The following RGS6 variants were observed in gnomAD, a reference collection of about 807,000 sequenced individuals.
RGS6 encodes regulator of G protein signaling 6.
Under a neutral mutation model 78.5 loss-of-function variants are expected in RGS6, and 30 were observed. The ratio of observed to expected loss-of-function variants is 0.38; its 90% CI spans 0.29 to 0.52. The LOEUF (loss-of-function observed/expected upper bound fraction) is 0.52, where lower values mean the gene tolerates loss of function less well. RGS6 is among the 20% of genes least tolerant of loss of function. RGS6 has a pLI of 0.85. For synonymous variants in RGS6, 206 were observed against 206.0 expected, an observed-to-expected ratio of 1.00 and a Z score of 0.00; for missense variants, 495 against 609.7, an observed-to-expected ratio of 0.81 and a Z score of 1.98.
chr14:72,146,856 A>G (rs938002269), intron 2 of RGS6, among the ~76,000 whole-genome samples: 32 of 152,354 alleles, frequency 2.1e-4, no homozygotes, highest in African/African-American at 6.3e-4. Context: ...GAAAGAAGCC[A>G]TGCAGCACCT....
intron 3 of RGS6, among the ~76,000 whole-genome samples, chr14:72,390,164 C>G (rs1489491579): frequency 7.0e-6 from 1 of 143,670 alleles, no homozygotes; most frequent in Non-Finnish European, 1.5e-5. Context: ...GTGGTGCGAT[C>G]TCAGCTCACT....
chr14:71,871,115 C>A, the RGS6 span, among the ~76,000 whole-genome samples: 1 of 152,164 alleles, frequency 6.6e-6, no homozygotes, highest in South Asian at 2.1e-4. Flanking sequence ...GCGCTGAGAC[C>A]CTGTTCCCAT....
chr14:72,421,899 G>A (rs971398931), intron 3 of RGS6, among the ~76,000 whole-genome samples: 2 of 152,124 alleles, frequency 1.3e-5, no homozygotes, highest in Admixed American at 1.3e-4. Context: ...TCATGCTCCC[G>A]GCTGACCTCA....
At chr14:72,310,067 G>T (rs968925717) in intron 2 of RGS6, among the ~76,000 whole-genome samples, 56 of 152,052 alleles carry the variant, frequency 3.7e-4, no homozygotes, top group African/African-American at 1.3e-3. Context: ...TTTCCTCTCC[G>T]CCAGCTCTTC....
the RGS6 span, among the ~76,000 whole-genome samples, chr14:72,629,214 G>A: frequency 1.3e-5 from 2 of 152,188 alleles, no homozygotes; most frequent in South Asian, 4.1e-4. Context: ...GGAGACTATG[G>A]AGAGGGAGGT....
chr14:72,416,546 A>G (rs1349922601), intron 3 of RGS6, among the ~76,000 whole-genome samples: 1 of 152,184 alleles, frequency 6.6e-6, no homozygotes, highest in East Asian at 1.9e-4. Flanking sequence ...CTACCAAGAA[A>G]AAAAAAATTA....
At chr14:72,381,175 G>A (rs1012125829) in intron 3 of RGS6, among the ~76,000 whole-genome samples, 4 of 152,004 alleles carry the variant, frequency 2.6e-5, no homozygotes, top group Non-Finnish European at 4.4e-5. Flanking sequence ...AGGGTAGAGA[G>A]GGGGAGAGAG....
chr14:72,353,834 A>T (rs2079617444), intron 3 of RGS6, among the ~76,000 whole-genome samples: 1 of 152,004 alleles, frequency 6.6e-6, no homozygotes, highest in Admixed American at 6.6e-5. Flanking sequence ...AAATACAAAA[A>T]TTAGCCGGGC....
rs1163802210 is a variant in RGS6 at position 72,518,515 on chromosome 14, G to C, written c.1256G>C (p.Arg419Thr). 1 of 1,614,200 alleles carries C rather than the reference G, an allele frequency of 6.2e-7. No homozygotes were observed. The highest frequency in any genetic ancestry group is 8.5e-7 in the Non-Finnish European group (1 of 1,180,018). The change falls in exon 15 of 18, where the codon AGA (arginine) becomes ACA (threonine). Residue 419 changes from arginine to threonine, a missense_variant. By Grantham distance (71) the Arg-to-Thr change is moderately conservative. Coordinates refer to ENST00000553525, the MANE Select transcript of RGS6 (RefSeq NM_001204424.2). ...ITSQNVKDGG[R>T]YTFEDAQEHI... is the part of the protein sequence containing the mutation. ...AGTCAAAATGTCAAAGATGGAGGGA[G>C]ATATACATTTGAAGACGCCCAGGTT...
intron 2 of RGS6, among the ~76,000 whole-genome samples, chr14:72,018,823 A>G (rs1048377828): frequency 1.3e-5 from 2 of 152,146 alleles, no homozygotes; most frequent in African/African-American, 4.8e-5. Flanking sequence ...GAGTGAATTT[A>G]TGCTTGCTTC....
chr14:72,176,386 G>A (rs1261875920), intron 2 of RGS6, among the ~76,000 whole-genome samples: 1 of 152,208 alleles, frequency 6.6e-6, no homozygotes, highest in East Asian at 1.9e-4. Context: ...TTTGCTGAGG[G>A]TAGGACCTGC....
At position 71,963,991 on chromosome 14, in the gene RGS6, A is replaced by G. The variant is rs140413062; in HGVS notation, c.-20-781A>G. 1.7e-3 allele frequency among the ~76,000 whole-genome samples: 254 copies of G among 150,728 alleles called. 1 individual carries two copies. Among genetic ancestry groups the G allele is most frequent in the African/African-American group, 5.9e-3 (242 of 41,112 alleles). ...ACATTCCTACCAGCAATGTTTGAGG[A>G]TTTTGATTTCCCTGTATCCTTGCCA... On this transcript the variant is annotated intron_variant, in intron 1 of 17. Transcript: ENST00000553525.
chr14:72,585,911 C>T, the RGS6 span, among the ~76,000 whole-genome samples: 4 of 152,212 alleles, frequency 2.6e-5, no homozygotes, highest in Non-Finnish European at 5.9e-5. Context: ...CTTCAATCTG[C>T]TCTCTCTGGT....
chr14:72,398,935 A>G (rs936163655), intron 3 of RGS6, among the ~76,000 whole-genome samples: 16 of 151,960 alleles, frequency 1.1e-4, no homozygotes, highest in East Asian at 3.9e-4. Flanking sequence ...TATAATTTCT[A>G]TTCTTTTACA....
chr14:72,164,032 G>T (rs568211029), intron 2 of RGS6, among the ~76,000 whole-genome samples: 9 of 152,112 alleles, frequency 5.9e-5, no homozygotes, highest in Non-Finnish European at 1.2e-4. Context: ...AAATGAAAAG[G>T]TTCGACTTTT....
chr14:72,232,914 T>C (rs1225552226), intron 2 of RGS6, among the ~76,000 whole-genome samples: 1 of 152,144 alleles, frequency 6.6e-6, no homozygotes, highest in East Asian at 1.9e-4. Context: ...ATGCAGCCTG[T>C]ACGCTTCCTG....
intron 17 of RGS6, chr14:72,547,171 C>T (rs910411921): frequency 2.0e-6 from 3 of 1,534,590 alleles, no homozygotes; most frequent in African/African-American, 2.7e-5. Context: ...GAGCCTGCCT[C>T]AGTCCTGTCC....
At chr14:72,389,220 C>T (rs186725388) in intron 3 of RGS6, among the ~76,000 whole-genome samples, 1 of 152,228 alleles carries the variant, frequency 6.6e-6, no homozygotes, top group East Asian at 1.9e-4. Flanking sequence ...TTGTCCCTGT[C>T]CCGGATGTTC....
rs117182435 is a variant in RGS6, at chr14:72,233,127, G to A, written c.85-118968G>A. Among the ~76,000 whole-genome samples, 10 of 152,304 alleles carry A rather than the reference G, an allele frequency of 6.6e-5. No homozygotes were observed. The East Asian group carries it at 1.9e-3, about 29-fold the overall frequency. On this transcript the variant is annotated intron_variant, in intron 2 of 17. Coordinates refer to ENST00000553525, the MANE Select transcript of RGS6 (RefSeq NM_001204424.2). ...AGGGAGCAGGCCCCAGAAGGTCCTT[G>A]TTCATCCTAGTCAGGTCCTTCATCC...
Sources: allele counts gnomAD v4.1 joint callset (sites outside exome capture counted in the v4.1 genomes callset), GRCh38; gene constraint gnomAD v4.1.1; transcripts MANE v1.5; gene names NCBI Gene and HGNC (gene_info 2026-07-23, HGNC 2026-07-21).